SMOC2: variants seen among roughly 807,000 people sequenced by gnomAD.
The protein encoded by SMOC2 is SPARC-related modular calcium-binding protein 2.
Under a neutral mutation model 61.4 loss-of-function variants are expected in SMOC2, and 39 were observed. The ratio of observed to expected loss-of-function variants is 0.64; its 90% CI spans 0.49 to 0.83. The LOEUF (loss-of-function observed/expected upper bound fraction) is 0.83. Among genes scored for constraint, SMOC2 ranks in the 40% least tolerant of loss-of-function variants. The probability of loss-of-function intolerance (pLI) is 0.00; values close to 1 mark genes in which losing one functional copy is unlikely to be tolerated. For missense variants in SMOC2, 556 were observed against 592.9 expected (o/e 0.94, Z 0.65); for synonymous variants, 247 against 239.9 (o/e 1.03, Z -0.27).
intron 7 of SMOC2, among the ~76,000 whole-genome samples, chr6:168,558,747 ATG>A (rs1306971734): frequency 6.6e-6 from 1 of 151,980 alleles, no homozygotes; most frequent in Admixed American, 6.5e-5. Context: ...TCTTCCCTGA[ATG>A]TGTGTGTGTT....
At chr6:168,518,807 G>A (rs1429466974) in intron 2 of SMOC2, among the ~76,000 whole-genome samples, 5 of 145,520 alleles carry the variant, frequency 3.4e-5, no homozygotes, top group African/African-American at 1.0e-4. Flanking sequence ...GCTTGTGTGT[G>A]AATGCATGTT....
chr6:168,629,875 G>A (rs879228075), intron 9 of SMOC2, among the ~76,000 whole-genome samples: 1 of 152,140 alleles, frequency 6.6e-6, no homozygotes, highest in Admixed American at 6.5e-5. Context: ...AAGCTGACTT[G>A]GTAAATCCTT....
At chr6:168,540,720 C>G (rs947489586) in intron 4 of SMOC2, among the ~76,000 whole-genome samples, 1 of 152,168 alleles carries the variant, frequency 6.6e-6, no homozygotes, top group Non-Finnish European at 1.5e-5. Context: ...AGCACAGAGA[C>G]GCCGTCTAGA....
At chr6:168,450,486 G>A (rs1420752464) in intron 1 of SMOC2, among the ~76,000 whole-genome samples, 2 of 152,198 alleles carry the variant, frequency 1.3e-5, no homozygotes, top group Non-Finnish European at 2.9e-5. Flanking sequence ...GTCAGCAGAT[G>A]GGTCCCCTTC....
Position 168,608,291 on chromosome 6 carries a change from T to C in SMOC2, c.907+52T>C. 2.6e-6 allele frequency: 4 copies of C among 1,562,922 alleles called. No individual in the cohort carries two copies. The South Asian group carries it at 4.6e-5, about 18-fold the overall frequency. ...GAATCCACAGGCCCCACCATGCAGTTTCTTGCAAATTTGGAATGAAAAAGA... is the reference window on the plus strand; with the variant it reads ...GAATCCACAGGCCCCACCATGCAGTCTCTTGCAAATTTGGAATGAAAAAGA... On this transcript the variant is annotated intron_variant, in intron 9 of 12. Transcript: ENST00000356284.
chr6:168,481,661 T>A (rs1175478605), intron 1 of SMOC2, among the ~76,000 whole-genome samples: 1 of 151,956 alleles, frequency 6.6e-6, no homozygotes, highest in African/African-American at 2.4e-5. Context: ...CCAAAGTACA[T>A]CCCTTTTATC....
intron 7 of SMOC2, among the ~76,000 whole-genome samples, chr6:168,570,320 G>T (rs1241636584): frequency 6.6e-6 from 1 of 152,196 alleles, no homozygotes; most frequent in East Asian, 1.9e-4. Flanking sequence ...TTCTCTGTGG[G>T]GGTCTCTTCA....
chr6:168,585,943 C>A lies in SMOC2; in HGVS notation c.638-12875C>A, dbSNP rs368900419. Among the ~76,000 whole-genome samples the A allele has an allele frequency of 9.8e-5, 15 of 152,290 alleles. 1 individual carries two copies. In the East Asian group the frequency reaches 2.1e-3, roughly 22 times the overall value. On this transcript the variant is annotated intron_variant, in intron 7 of 12. Coordinates refer to ENST00000356284, the MANE Select transcript of SMOC2 (RefSeq NM_001166412.2). ...AGGGATCTCTTCTCCCAGTCTGTGGCTTGCCTTTTCGTTTTCTTAATGGTC... is the reference window on the plus strand; with the variant it reads ...AGGGATCTCTTCTCCCAGTCTGTGGATTGCCTTTTCGTTTTCTTAATGGTC...
chr6:168,618,404 A>AG (rs2115226917), intron 9 of SMOC2, among the ~76,000 whole-genome samples: 1 of 109,114 alleles, frequency 9.2e-6, no homozygotes, highest in African/African-American at 3.4e-5. Flanking sequence ...AGAGTGGAGG[A>AG]AAGGCGGGTA....
chr6:168,599,422 CCCACACCCACACTCACACACA>C (rs1785448259), intron 8 of SMOC2, among the ~76,000 whole-genome samples: 7 of 136,990 alleles, frequency 5.1e-5, no homozygotes, highest in African/African-American at 8.3e-5. Context: ...ATTCATACCC[CCCACACCCACACTCACACACA>C]CATTCGTACC....
intron 8 of SMOC2, among the ~76,000 whole-genome samples, chr6:168,606,958 G>A (rs867145942): frequency 8.5e-5 from 13 of 152,080 alleles, no homozygotes; most frequent in South Asian, 2.1e-4. Flanking sequence ...CTGGGGAGCC[G>A]CCATGCAGCA....
At chr6:168,576,934 A>T (rs369109650) in intron 7 of SMOC2, among the ~76,000 whole-genome samples, 2 of 151,984 alleles carry the variant, frequency 1.3e-5, no homozygotes, top group South Asian at 2.1e-4. Context: ...GATTTCCTTT[A>T]TACCTGGAGA....
intron 1 of SMOC2, among the ~76,000 whole-genome samples, chr6:168,441,783 G>A (rs2114984843): frequency 6.6e-6 from 1 of 152,322 alleles, no homozygotes; most frequent in African/African-American, 2.4e-5. Context: ...GGGTCCTGCA[G>A]ACCCCGGACA....
In SMOC2 at chr6:168,453,198, G is replaced by A. The variant is rs1251485593; in HGVS notation, c.84+11744G>A. ...TTCTAGAGTGTGCTCAGGGTGGCCT[G>A]ACAAATGCGGGCGGGGGTGGGGGAG... On this transcript the variant is annotated intron_variant, in intron 1 of 12. Transcript: ENST00000356284. The surrounding 1 kb of genome is among the most constrained non-coding windows in gnomAD (Gnocchi z 4.4). Among the ~76,000 whole-genome samples the A allele has an allele frequency of 6.7e-6, 1 of 150,296 alleles. No individual in the cohort carries two copies. The highest frequency in any genetic ancestry group is 1.5e-5 in the Non-Finnish European group (1 of 67,502).
chr6:168,630,290 G>A lies in SMOC2; in HGVS notation c.908-20391G>A, dbSNP rs141896528. On this transcript the variant is annotated intron_variant, in intron 9 of 12. Transcript: ENST00000356284. ...CCGGCTGAAGCCATGGCAGAAGAAC[G>A]TGGATTGTGAAGATTTTATGGACAT... Among the ~76,000 whole-genome samples the A allele has an allele frequency of 6.1e-3, 936 of 152,306 alleles. 5 individuals carry two copies. Among genetic ancestry groups the A allele is most frequent in the Admixed American group, 0.015 (233 of 15,300 alleles).
chr6:168,647,490 C>T (rs535511674), intron 9 of SMOC2, among the ~76,000 whole-genome samples: 9 of 152,188 alleles, frequency 5.9e-5, no homozygotes, highest in South Asian at 4.2e-4. Context: ...AGCGCCCCTG[C>T]GAGGGACGAG....
At chr6:168,642,818 A>T (rs1240103886) in intron 9 of SMOC2, among the ~76,000 whole-genome samples, 1 of 152,206 alleles carries the variant, frequency 6.6e-6, no homozygotes, top group Non-Finnish European at 1.5e-5. Flanking sequence ...TTTAAACTGC[A>T]TGGAAAGTTA....
intron 9 of SMOC2, among the ~76,000 whole-genome samples, chr6:168,617,640 C>T (rs193173257): frequency 1.0e-3 from 159 of 152,282 alleles, no homozygotes; most frequent in Non-Finnish European, 1.7e-3. Context: ...TTCCTCCAGG[C>T]GAGTTTCCAA....
chr6:168,611,767 C>T (rs989132620), intron 9 of SMOC2, among the ~76,000 whole-genome samples: 29 of 152,314 alleles, frequency 1.9e-4, no homozygotes, highest in African/African-American at 6.5e-4. Flanking sequence ...ATGTGGCTCC[C>T]GTGTCTGAGC....
Sources: allele counts gnomAD v4.1 joint callset (sites outside exome capture counted in the v4.1 genomes callset), GRCh38; gene constraint gnomAD v4.1.1; non-coding constraint Gnocchi (gnomAD v3.1); transcripts MANE v1.5; gene names NCBI Gene and HGNC (gene_info 2026-07-23, HGNC 2026-07-21).